The following PPARGC1B variants were observed in gnomAD, a reference collection of about 807,000 sequenced individuals.
PPARGC1B encodes the protein peroxisome proliferator-activated receptor gamma coactivator 1-beta.
Under a neutral mutation model 101.6 loss-of-function variants are expected in PPARGC1B, and 34 were observed. The ratio of observed to expected loss-of-function variants is 0.33; its 90% CI spans 0.25 to 0.45. The LOEUF is 0.45. PPARGC1B is among the 20% of genes least tolerant of loss of function. PPARGC1B has a pLI of 1.00. For synonymous variants in PPARGC1B, 548 were observed against 539.3 expected, an observed-to-expected ratio of 1.02 and a Z score of -0.22; for missense variants, 1,234 against 1,317.6, an observed-to-expected ratio of 0.94 and a Z score of 0.98.
At chr5:149,799,689 TGTTG>T (rs1212111459) in intron 1 of PPARGC1B, among the ~76,000 whole-genome samples, 2 of 92,036 alleles carry the variant, frequency 2.2e-5, no homozygotes, top group African/African-American at 5.2e-5. Flanking sequence ...GTTTGCTTGT[TGTTG>T]TTTTTTTTTT....
chr5:149,786,969 C>G (rs1756833520), intron 1 of PPARGC1B, among the ~76,000 whole-genome samples: 1 of 152,100 alleles, frequency 6.6e-6, no homozygotes, highest in Non-Finnish European at 1.5e-5. Context: ...TTCAAAGTCA[C>G]CCCCGCAAAA....
At chr5:149,827,218 A>G (rs1758567722) in intron 3 of PPARGC1B, among the ~76,000 whole-genome samples, 1 of 152,394 alleles carries the variant, frequency 6.6e-6, no homozygotes, top group Non-Finnish European at 1.5e-5. Flanking sequence ...AAATCCAGGT[A>G]GTAAAAGTGG....
rs1275707998 is a variant in PPARGC1B at position 149,849,402 on chromosome 5, A to T, written c.*1844A>T. 6.6e-6 allele frequency: 1 copy of T among 152,214 alleles called. No homozygotes were observed. The highest frequency in any genetic ancestry group is 1.5e-5 in the Non-Finnish European group (1 of 68,030). 9.4% of individuals were successfully genotyped at this position (152,214 alleles called of 1,614,324 possible). On this transcript the variant is annotated 3_prime_UTR_variant, in exon 12 of 12. Coordinates refer to ENST00000309241, the MANE Select transcript of PPARGC1B (RefSeq NM_133263.4). ...TCCTTTCCTGTGAAATGAACTGATT[A>T]GACATGTTTCAACATTGTTAGCTTC... is the stretch of plus-strand genomic sequence containing the variant.
At chr5:149,768,696 A>T (rs970968226) in intron 1 of PPARGC1B, among the ~76,000 whole-genome samples, 5 of 151,308 alleles carry the variant, frequency 3.3e-5, no homozygotes, top group Non-Finnish European at 7.4e-5. Context: ...TTGTATTTTC[A>T]GTAGAGATGG....
chr5:149,827,573 GA>G (rs1182052139), intron 3 of PPARGC1B, among the ~76,000 whole-genome samples: 6 of 152,282 alleles, frequency 3.9e-5, no homozygotes, highest in South Asian at 2.1e-4. Flanking sequence ...AGGCCTTTGT[GA>G]CATGTAAATG....
chr5:149,772,197 A>C, intron 1 of PPARGC1B: 3 of 1,602,744 alleles, frequency 1.9e-6, no homozygotes, highest in Non-Finnish European at 2.6e-6. Context: ...TTTTTCTGTG[A>C]GCTTGTTGGG....
At chr5:149,821,463 G>A (rs1758292432) in intron 2 of PPARGC1B, among the ~76,000 whole-genome samples, 1 of 152,154 alleles carries the variant, frequency 6.6e-6, no homozygotes. Flanking sequence ...GAGGGTAATC[G>A]ATGAAATTGG....
intron 1 of PPARGC1B, among the ~76,000 whole-genome samples, chr5:149,797,949 T>C (rs1030971608): frequency 2.0e-5 from 3 of 152,194 alleles, no homozygotes; most frequent in African/African-American, 7.2e-5. Flanking sequence ...ATTCATTTAT[T>C]TTTTTATTTT....
At chr5:149,845,171 A>G (rs1759503343) in intron 10 of PPARGC1B, among the ~76,000 whole-genome samples, 1 of 152,232 alleles carries the variant, frequency 6.6e-6, no homozygotes, top group Admixed American at 6.5e-5. Context: ...GGCAGGCATC[A>G]TAGATGTCTA....
chr5:149,836,826 G>A lies in PPARGC1B; in HGVS notation c.2371G>A (p.Val791Ile), dbSNP rs1759104584. 1 of 1,613,362 alleles carries A rather than the reference G, an allele frequency of 6.2e-7. No individual in the cohort carries two copies. Among genetic ancestry groups the A allele is most frequent in the South Asian group, 1.1e-5 (1 of 91,090 alleles). ...ASCKSPEYDT[V>I]FEDSSSSSGE... ...CTGCAAGAGCCCTGAGTATGACACT[G>A]TCTTTGAAGACAGCAGCAGCAGCAG... The change falls in exon 8 of 12, where the codon GTC becomes ATC. Residue 791 changes from valine to isoleucine, a missense_variant. Val to Ile is a conservative substitution (Grantham distance 29, BLOSUM62 3). Around this residue, in one of 3 missense-constraint regions of PPARGC1B, gnomAD observed 497 missense variants for 529.5 expected, o/e 0.94. Coordinates refer to ENST00000309241, the MANE Select transcript of PPARGC1B (RefSeq NM_133263.4).
Position 149,782,957 on chromosome 5 carries a change from G to C in PPARGC1B, c.79-37476G>C, listed in dbSNP as rs149175948. Among the ~76,000 whole-genome samples the C allele has an allele frequency of 3.2e-4, 49 of 152,336 alleles. 1 individual carries two copies. The highest frequency in any genetic ancestry group is 6.8e-3 in the Middle Eastern group (2 of 294). ...GCAGGAAGGAAGAAGGGAAAAAAGG[G>C]CTTGTGTGAATGCAGCCAGTGGGTC... is the stretch of plus-strand genomic sequence containing the variant. On this transcript the variant is annotated intron_variant, in intron 1 of 11. Transcript: ENST00000309241.
intron 1 of PPARGC1B, among the ~76,000 whole-genome samples, chr5:149,755,140 C>T (rs1413383349): frequency 6.7e-6 from 1 of 150,194 alleles, no homozygotes; most frequent in Non-Finnish European, 1.5e-5. Flanking sequence ...AACTCCTAAC[C>T]TCAAGTGATC....
chr5:149,745,924 A>C (rs1363092788), intron 1 of PPARGC1B, among the ~76,000 whole-genome samples: 2 of 152,194 alleles, frequency 1.3e-5, no homozygotes, highest in African/African-American at 4.8e-5. Flanking sequence ...GGAAGAAGGC[A>C]GCCTGAGAGA....
rs10712476 is a variant in PPARGC1B at position 149,765,860 on chromosome 5, CAAA to C, written c.78+35460_78+35462del. On this transcript the variant is annotated intron_variant, in intron 1 of 11. Coordinates refer to ENST00000309241, the MANE Select transcript of PPARGC1B (RefSeq NM_133263.4). ...TGGGTGACAGAGTGAGACTCCGTCT[CAAA>C]AAAAAAAAAAAAAAAAAAATGGAGA... 4.6e-3 allele frequency among the ~76,000 whole-genome samples: 411 copies of C among 88,804 alleles called. 3 individuals carry two copies. Among genetic ancestry groups the C allele is most frequent in the African/African-American group, 0.015 (355 of 23,660 alleles). The allele number at this position is 88,804 out of a possible 152,430, so 58.3% of individuals were successfully genotyped here. A position where few individuals can be genotyped will look rare whatever the true frequency, so the allele number is the denominator to read the frequency against.
At chr5:149,779,190 T>C (rs1581043775) in intron 1 of PPARGC1B, among the ~76,000 whole-genome samples, 1 of 152,204 alleles carries the variant, frequency 6.6e-6, no homozygotes, top group Non-Finnish European at 1.5e-5. Context: ...TGGTCTCTGC[T>C]ACAGCCTGGC....
intron 1 of PPARGC1B, among the ~76,000 whole-genome samples, chr5:149,773,179 A>AGG (rs1581036536): frequency 6.6e-6 from 1 of 152,234 alleles, no homozygotes; most frequent in African/African-American, 2.4e-5. Context: ...GCAACCCCAC[A>AGG]GGCTGCAGTT....
At chr5:149,785,167 T>G (rs1581050949) in intron 1 of PPARGC1B, among the ~76,000 whole-genome samples, 1 of 152,206 alleles carries the variant, frequency 6.6e-6, no homozygotes, top group African/African-American at 2.4e-5. Flanking sequence ...CCTCTTCCCA[T>G]GTGGCCAGCC....
At position 149,730,772 on chromosome 5, in the gene PPARGC1B, G is replaced by A. The variant is rs896692481; in HGVS notation, c.78+352G>A. Among the ~76,000 whole-genome samples, 3 of 152,206 alleles carry A rather than the reference G, an allele frequency of 2.0e-5. No homozygotes were observed. Among genetic ancestry groups the A allele is most frequent in the Non-Finnish European group, 2.9e-5 (2 of 68,020 alleles). On this transcript the variant is annotated intron_variant, in intron 1 of 11. Coordinates refer to ENST00000309241, the MANE Select transcript of PPARGC1B (RefSeq NM_133263.4). The surrounding 1 kb of genome is among the most constrained non-coding windows in gnomAD (Gnocchi z 4.0). The stretch of plus-strand genomic sequence containing the variant: ...TACCCTCAGGCTGGCGCTGGGTGCT[G>A]GAGGCGCGCCGTCAGCGCCCGGCAC...
intron 1 of PPARGC1B, among the ~76,000 whole-genome samples, chr5:149,803,806 G>C (rs17110433): frequency 6.6e-6 from 1 of 152,198 alleles, no homozygotes; most frequent in Non-Finnish European, 1.5e-5. Context: ...TACTCGCCCA[G>C]TTCTTCGCTC....
Sources: allele counts gnomAD v4.1 joint callset (sites outside exome capture counted in the v4.1 genomes callset), GRCh38; gene constraint gnomAD v4.1.1; regional missense constraint gnomAD v4.1.1; non-coding constraint Gnocchi (gnomAD v3.1); transcripts MANE v1.5; gene names NCBI Gene and HGNC (gene_info 2026-07-23, HGNC 2026-07-21).